The following OPRM1 variants were observed in gnomAD, a reference collection of about 807,000 sequenced individuals.
The protein encoded by OPRM1 is mu-type opioid receptor.
In OPRM1, 27 loss-of-function variants were observed where a neutral mutation model predicts 31.8. The observed-to-expected ratio is 0.85, with a 90% CI of 0.63 to 1.17. The LOEUF is 1.17. Ranked by LOEUF, OPRM1 falls within the 50% of genes most tolerant of loss-of-function variation. The pLI is 0.00. For missense variants in OPRM1, 536 were observed against 511.1 expected, an observed-to-expected ratio of 1.05 and a Z score of -0.47; for synonymous variants, 196 against 189.9, an observed-to-expected ratio of 1.03 and a Z score of -0.26.
chr6:154,152,348 GAAAGA>G (rs1798548101), intron 3 of OPRM1, among the ~76,000 whole-genome samples: 1 of 2,406 alleles, frequency 4.2e-4, no homozygotes, highest in Admixed American at 5.2e-3. Flanking sequence ...AGAAAGAAAG[GAAAGA>G]AAGAAAGAAA....
chr6:154,098,716 T>C (rs184262946), intron 3 of OPRM1, among the ~76,000 whole-genome samples: 42 of 152,342 alleles, frequency 2.8e-4, no homozygotes, highest in Admixed American at 2.5e-3. Flanking sequence ...TTTGGCAGGT[T>C]GCAAATAAAT....
At chr6:154,188,083 C>A (rs1801540286) in intron 3 of OPRM1, among the ~76,000 whole-genome samples, 1 of 152,132 alleles carries the variant, frequency 6.6e-6, no homozygotes, top group South Asian at 2.1e-4. Flanking sequence ...AAACCATTAT[C>A]ATTTGTAGAA....
intron 3 of OPRM1, among the ~76,000 whole-genome samples, chr6:154,182,043 AAAATT>A (rs1352834830): frequency 6.6e-6 from 1 of 152,192 alleles, no homozygotes; most frequent in Non-Finnish European, 1.5e-5. Flanking sequence ...CCCAGAACTT[AAAATT>A]AAATTAAATT....
chr6:154,192,013 T>C (rs1030796427), intron 3 of OPRM1, among the ~76,000 whole-genome samples: 1 of 152,168 alleles, frequency 6.6e-6, no homozygotes, highest in African/African-American at 2.4e-5. Flanking sequence ...TATTGTTGTA[T>C]AGTAAAACAA....
chr6:154,039,695 G>T lies in OPRM1; in HGVS notation c.151G>T (p.Asp51Tyr). The T allele has an allele frequency of 6.2e-7, 1 of 1,613,772 alleles. No individual in the cohort carries two copies. The highest frequency in any genetic ancestry group is 8.5e-7 in the Non-Finnish European group (1 of 1,180,032). The change falls in exon 1 of 4, where the codon GAC (aspartate) becomes TAC (tyrosine). Residue 51 changes from aspartate (D) to tyrosine (Y), a missense_variant. Physicochemically the swap from Asp to Tyr is radical, Grantham distance 160 (BLOSUM62 -3). Coordinates refer to ENST00000330432, the MANE Select transcript of OPRM1 (RefSeq NM_000914.5). ...LSDPCGPNRT[D>Y]LGGRDSLCPP... ...CGACCCATGCGGTCCGAACCGCACC[G>T]ACCTGGGCGGGAGAGACAGCCTGTG...
rs1797763448 is a variant in OPRM1, at chr6:154,129,382, C to T, written c.*10661C>T. ...AACTACTGGGTTTAGGCCAGGCGGGCCCAGGCCTGGTTTCGGGCCTGGCGC... is the reference window on the plus strand; with the variant it reads ...AACTACTGGGTTTAGGCCAGGCGGGTCCAGGCCTGGTTTCGGGCCTGGCGC... On this transcript the variant is annotated 3_prime_UTR_variant, in exon 4 of 4. Coordinates refer to ENST00000330432, the MANE Select transcript of OPRM1 (RefSeq NM_000914.5). Among the ~76,000 whole-genome samples the T allele has an allele frequency of 6.6e-6, 1 of 152,202 alleles. No homozygotes were observed. The highest frequency in any genetic ancestry group is 1.5e-5 in the Non-Finnish European group (1 of 68,026).
intron 3 of OPRM1, among the ~76,000 whole-genome samples, chr6:154,112,442 T>C (rs1380156649): frequency 6.6e-6 from 1 of 152,220 alleles, no homozygotes; most frequent in African/African-American, 2.4e-5. Context: ...TGAACCCAAA[T>C]TGCTGCTACA....
intron 3 of OPRM1, chr6:154,223,111 A>G (rs1778996275): frequency 2.3e-6 from 3 of 1,292,852 alleles, no homozygotes; most frequent in Non-Finnish European, 3.4e-6. Flanking sequence ...CCCTTGGTGA[A>G]CATTATGAAG....
chr6:154,045,174 G>C (rs532569545), intron 1 of OPRM1, among the ~76,000 whole-genome samples: 3 of 151,948 alleles, frequency 2.0e-5, no homozygotes, highest in Non-Finnish European at 2.9e-5. Context: ...GCAGCGAGCC[G>C]AGATCGCACC....
chr6:154,213,500 C>T (rs997168013), intron 3 of OPRM1, among the ~76,000 whole-genome samples: 7 of 152,124 alleles, frequency 4.6e-5, no homozygotes, highest in African/African-American at 1.4e-4. Context: ...TGCACGGTAC[C>T]CCTTTACTGT....
chr6:154,224,273 T>A (rs1779081853), intron 3 of OPRM1, among the ~76,000 whole-genome samples: 1 of 152,238 alleles, frequency 6.6e-6, no homozygotes, highest in Non-Finnish European at 1.5e-5. Flanking sequence ...CTCTTTCCTT[T>A]ATTGCCAACT....
intron 3 of OPRM1, among the ~76,000 whole-genome samples, chr6:154,241,949 T>A (rs1780630871): frequency 6.6e-6 from 1 of 152,204 alleles, no homozygotes. Flanking sequence ...CCTGGCTTTG[T>A]CGTTGGGAAA....
chr6:154,013,582 T>C (rs1338133330), intron 1 of OPRM1, among the ~76,000 whole-genome samples: 1 of 152,202 alleles, frequency 6.6e-6, no homozygotes, highest in Non-Finnish European at 1.5e-5. Flanking sequence ...AAAAGTTTAA[T>C]AAAGCTTAGT....
intron 1 of OPRM1, chr6:154,073,549 C>T (rs118103708): frequency 0.022 from 3,413 of 152,344 alleles, 51 homozygotes; most frequent in Non-Finnish European, 0.035. Context: ...GAACAGTCTA[C>T]CAGGGAATAT....
chr6:154,075,238 T>G (rs903261453), intron 1 of OPRM1, among the ~76,000 whole-genome samples: 1 of 152,190 alleles, frequency 6.6e-6, no homozygotes, highest in African/African-American at 2.4e-5. Flanking sequence ...TCTTAGAGGT[T>G]ACATCCTCAA....
chr6:154,179,224 T>C (rs1800624931), intron 3 of OPRM1, among the ~76,000 whole-genome samples: 1 of 152,118 alleles, frequency 6.6e-6, no homozygotes, highest in Admixed American at 6.5e-5. Context: ...CCAAAGCAAA[T>C]GTGAGAATCC....
intron 1 of OPRM1, among the ~76,000 whole-genome samples, chr6:154,080,667 C>A (rs1322180472): frequency 1.3e-5 from 2 of 152,198 alleles, no homozygotes; most frequent in Non-Finnish European, 2.9e-5. Context: ...ACAGAGCCAT[C>A]CCATCTGCTC....
At chr6:154,180,414 A>ATATATATATATATATATATTTTT (rs1241250621) in intron 3 of OPRM1, among the ~76,000 whole-genome samples, 1 of 65,268 alleles carries the variant, frequency 1.5e-5, no homozygotes, top group African/African-American at 4.8e-5. Flanking sequence ...ATATATATAT[A>ATATATATATATATATATATTTTT]TTTTTTTTTT....
At chr6:154,144,283 A>G (rs1798302398) in intron 3 of OPRM1, among the ~76,000 whole-genome samples, 1 of 152,248 alleles carries the variant, frequency 6.6e-6, no homozygotes, top group South Asian at 2.1e-4. Flanking sequence ...CTCTTTGAGA[A>G]AATTGAAGAG....
Sources: gnomAD v4.1 joint callset for allele counts (sites outside exome capture counted in the v4.1 genomes callset) on GRCh38, gnomAD v4.1.1 for gene constraint, MANE v1.5 for transcripts, NCBI Gene and HGNC (gene_info 2026-07-23, HGNC 2026-07-21) for gene names.